Variants in DGKE observed in about 807,000 individuals in gnomAD.
The protein encoded by DGKE is diacylglycerol kinase epsilon, also known as DAG kinase epsilon.
In DGKE, 53 loss-of-function variants were observed where a neutral mutation model predicts 70.0. That is an observed-to-expected ratio of 0.76 (90% CI 0.61 to 0.95). DGKE has a LOEUF of 0.95. DGKE is among the 40% of genes least tolerant of loss of function. The probability of loss-of-function intolerance (pLI) is 0.00; values close to 1 mark genes in which losing one functional copy is unlikely to be tolerated. For synonymous variants in DGKE, 291 were observed against 257.0 expected, an observed-to-expected ratio of 1.13 and a Z score of -1.27; for missense variants, 655 against 706.9, an observed-to-expected ratio of 0.93 and a Z score of 0.83.
Position 56,861,933 on chromosome 17 carries a change from G to C in DGKE, c.1412+15G>C. 6.3e-7 allele frequency: 1 copy of C among 1,577,204 alleles called. No individual in the cohort carries two copies. Among genetic ancestry groups the C allele is most frequent in the East Asian group, 2.2e-5 (1 of 44,600 alleles). On this transcript the variant is annotated intron_variant, in intron 10 of 11. Coordinates refer to ENST00000284061, the MANE Select transcript of DGKE (RefSeq NM_003647.3). ...CCTCTAGCCAGGTATGTACATTTGTGGTCTGTTTTTTTATGTCACTATTTT... is the reference window on the plus strand; with the variant it reads ...CCTCTAGCCAGGTATGTACATTTGTCGTCTGTTTTTTTATGTCACTATTTT...
chr17:56,848,097 C>T (rs1300187860), intron 5 of DGKE, 32 bp downstream of exon 5: 29 of 1,388,990 alleles, frequency 2.1e-5, no homozygotes, highest in Non-Finnish European at 2.7e-5. Flanking sequence ...TACAGAAGGA[C>T]TTCTAAGATA....
chr17:56,851,843 C>G (rs550052084), intron 7 of DGKE, among the ~76,000 whole-genome samples: 1 of 152,150 alleles, frequency 6.6e-6, no homozygotes, highest in Admixed American at 6.5e-5. Flanking sequence ...AAAAAAGGCT[C>G]TTATAAACTA....
At position 56,865,557 on chromosome 17, in the gene DGKE, G is replaced by A. The variant is rs1189583693; in HGVS notation, c.*2766G>A. The A allele has an allele frequency of 1.3e-5, 2 of 152,232 alleles. No homozygotes were observed. Among genetic ancestry groups the A allele is most frequent in the Non-Finnish European group, 2.9e-5 (2 of 67,998 alleles). The allele number at this position is 152,232 out of a possible 1,614,324, so 9.4% of individuals were successfully genotyped here. A position where few individuals can be genotyped will look rare whatever the true frequency, so the allele number is the denominator to read the frequency against. Reference sequence around the variant, plus strand: ...TAGTAAAGTTACATGATTTAGGTGTGTTTTAGGTTTTCTGCAACAATTAGC... The same window carrying A: ...TAGTAAAGTTACATGATTTAGGTGTATTTTAGGTTTTCTGCAACAATTAGC... On this transcript the variant is annotated 3_prime_UTR_variant, in exon 12 of 12. Transcript: ENST00000284061.
intron 5 of DGKE, among the ~76,000 whole-genome samples, 171 bp downstream of exon 5, chr17:56,848,236 C>T (rs1346285190): frequency 6.6e-6 from 1 of 152,044 alleles, no homozygotes; most frequent in Non-Finnish European, 1.5e-5. Flanking sequence ...CAGCTAACTG[C>T]AACCTCCATT....
chr17:56,853,317 A>G (rs954552621), intron 7 of DGKE, among the ~76,000 whole-genome samples: 4 of 152,058 alleles, frequency 2.6e-5, no homozygotes, highest in African/African-American at 9.7e-5. Context: ...GTCTATTTTT[A>G]CTTTTATTGC....
At position 56,848,119 on chromosome 17, in the gene DGKE, C is replaced by CATATATAT. The variant is rs56356802; in HGVS notation, c.888+63_888+70dup. The CATATATAT allele has an allele frequency of 1.9e-3, 1,332 of 706,956 alleles. 1 individual carries two copies. The highest frequency in any genetic ancestry group is 9.6e-3 in the South Asian group (159 of 16,546). 43.8% of individuals were successfully genotyped at this position (706,956 alleles called of 1,614,324 possible). On this transcript the variant is annotated intron_variant, in intron 5 of 11. Coordinates refer to ENST00000284061, the MANE Select transcript of DGKE (RefSeq NM_003647.3). ...GGACTTCTAAGATAAATATACTATA[C>CATATATAT]ATATATATATATATATGGGTTTTGT...
intron 8 of DGKE, among the ~76,000 whole-genome samples, chr17:56,857,812 C>A (rs185222311): frequency 1.1e-4 from 17 of 152,084 alleles, no homozygotes; most frequent in Non-Finnish European, 2.2e-4. Context: ...TGGTGGCTCA[C>A]GCCTGTAATC....
chr17:56,854,616 A>C (rs1314791558), intron 7 of DGKE, among the ~76,000 whole-genome samples: 1 of 152,148 alleles, frequency 6.6e-6, no homozygotes, highest in African/African-American at 2.4e-5. Context: ...TGCTCAGCCT[A>C]AAAGAGAGGA....
At chr17:56,861,588 A>G (rs978763515) in intron 9 of DGKE, among the ~76,000 whole-genome samples, 2 of 152,220 alleles carry the variant, frequency 1.3e-5, no homozygotes, top group African/African-American at 2.4e-5. Context: ...CAAAAAGAAC[A>G]TTATTGTTGA....
intron 4 of DGKE, among the ~76,000 whole-genome samples, chr17:56,847,179 T>C (rs1907334861): frequency 6.6e-6 from 1 of 152,116 alleles, no homozygotes. Context: ...TCATTTTCTA[T>C]GTATTGCAAA....
intron 2 of DGKE, among the ~76,000 whole-genome samples, chr17:56,837,253 A>T (rs987886723): frequency 6.6e-6 from 1 of 151,956 alleles, no homozygotes; most frequent in South Asian, 2.1e-4. Context: ...CCCCAGACCT[A>T]CTAAATCAGA....
chr17:56,847,384 G>A (rs1907351953), intron 4 of DGKE: 1 of 150,548 alleles, frequency 6.6e-6, no homozygotes, highest in African/African-American at 2.5e-5. Context: ...GCCGAAGCTG[G>A]AGTGCAGGGG....
intron 7 of DGKE, among the ~76,000 whole-genome samples, chr17:56,851,708 A>T (rs1268073614): frequency 6.6e-6 from 1 of 152,202 alleles, no homozygotes; most frequent in African/African-American, 2.4e-5. Context: ...AACAAGAAAG[A>T]ATTGTAGGAA....
intron 7 of DGKE, among the ~76,000 whole-genome samples, chr17:56,851,727 C>T (rs1398880821): frequency 6.6e-6 from 1 of 152,136 alleles, no homozygotes; most frequent in East Asian, 1.9e-4. Flanking sequence ...AAACACAGTC[C>T]AGGAAGCTGA....
intron 5 of DGKE, 47 bp downstream of exon 5, chr17:56,848,112 T>C: frequency 2.0e-6 from 2 of 1,023,032 alleles, no homozygotes; most frequent in Non-Finnish European, 2.5e-6. Flanking sequence ...AAGATAAATA[T>C]ACTATACATA....
intron 8 of DGKE, 110 bp from the exon 9 acceptor site, chr17:56,858,484 A>G: frequency 1.1e-6 from 1 of 878,004 alleles, no homozygotes; most frequent in East Asian, 2.8e-5. Context: ...TACCATAAGG[A>G]GAATGTGTGC....
At chr17:56,841,745 G>A (rs1001238740) in intron 2 of DGKE, among the ~76,000 whole-genome samples, 7 of 152,132 alleles carry the variant, frequency 4.6e-5, no homozygotes, top group African/African-American at 1.7e-4. Context: ...ATTTACCCAT[G>A]TTATTTATAT....
intron 3 of DGKE, 46 bp from the exon 4 acceptor site, chr17:56,845,644 C>A: frequency 6.4e-7 from 1 of 1,554,230 alleles, no homozygotes; most frequent in South Asian, 1.2e-5. Context: ...ATGTGCTTTT[C>A]ATCTTTAAGA....
rs548280361 is a variant in DGKE, at chr17:56,868,648, T to A, written c.*5857T>A. On this transcript the variant is annotated 3_prime_UTR_variant, in exon 12 of 12. Transcript: ENST00000284061. Reference sequence around the variant, plus strand: ...TATGTTGAAGATACTTGCTTCTTTTTTAATAAAATTAAAAGTGCAGCACGT... The same window carrying A: ...TATGTTGAAGATACTTGCTTCTTTTATAATAAAATTAAAAGTGCAGCACGT... 2 of 152,362 alleles carry A rather than the reference T, an allele frequency of 1.3e-5. No individual in the cohort carries two copies. The highest frequency in any genetic ancestry group is 4.8e-5 in the African/African-American group (2 of 41,588). 9.4% of individuals were successfully genotyped at this position (152,362 alleles called of 1,614,324 possible). A position where few individuals can be genotyped will look rare whatever the true frequency, so the allele number is the denominator to read the frequency against.
Sources: gnomAD v4.1 joint callset for allele counts (sites outside exome capture counted in the v4.1 genomes callset) on GRCh38, gnomAD v4.1.1 for gene constraint, MANE v1.5 for transcripts, NCBI Gene and HGNC (gene_info 2026-07-23, HGNC 2026-07-21) for gene names.